CIAO2A: variants seen among roughly 807,000 people sequenced by gnomAD.
CIAO2A encodes the protein cytosolic iron-sulfur assembly component 2A.
A neutral mutation model predicts 22.4 loss-of-function variants in CIAO2A; 17 were observed. The ratio of observed to expected loss-of-function variants is 0.76; its 90% CI spans 0.52 to 1.14. CIAO2A has a LOEUF of 1.14. Ranked by LOEUF, CIAO2A falls within the 50% of genes most tolerant of loss-of-function variation. CIAO2A has a pLI of 0.00. For missense variants in CIAO2A, 192 were observed against 191.4 expected (o/e 1.00, Z -0.02); for synonymous variants, 74 against 72.3 (o/e 1.02, Z -0.12).
At chr15:64,085,707 A>G (rs2140112850) in intron 2 of CIAO2A, among the ~76,000 whole-genome samples, 1 of 152,006 alleles carries the variant, frequency 6.6e-6, no homozygotes, top group Non-Finnish European at 1.5e-5. Context: ...AGCCCAGAGC[A>G]TATATTCTTT....
At chr15:64,087,084 CTT>C (rs766247330) in intron 2 of CIAO2A, among the ~76,000 whole-genome samples, 7 of 76,060 alleles carry the variant, frequency 9.2e-5, no homozygotes, top group African/African-American at 3.4e-4. Flanking sequence ...GCTAATTTTG[CTT>C]TTTTTTTTTT....
intron 2 of CIAO2A, among the ~76,000 whole-genome samples, chr15:64,082,199 A>G (rs2080763307): frequency 6.6e-6 from 1 of 152,134 alleles, no homozygotes; most frequent in Admixed American, 6.5e-5. Flanking sequence ...ATGAGATATA[A>G]TGAGGTGGTG....
At chr15:64,091,366 T>C (rs1421545602) in intron 1 of CIAO2A, among the ~76,000 whole-genome samples, 1 of 151,684 alleles carries the variant, frequency 6.6e-6, no homozygotes, top group Non-Finnish European at 1.5e-5. Context: ...GTGCCTGTAA[T>C]CACAGCTACT....
At chr15:64,081,016 A>T in intron 3 of CIAO2A, 86 bp downstream of exon 3, 1 of 1,312,204 alleles carries the variant, frequency 7.6e-7, no homozygotes, top group Non-Finnish European at 1.1e-6. Flanking sequence ...GGTACACTTT[A>T]AATACGTGAA....
At chr15:64,086,872 CA>C (rs1230402184) in intron 2 of CIAO2A, among the ~76,000 whole-genome samples, 1 of 151,704 alleles carries the variant, frequency 6.6e-6, no homozygotes, top group African/African-American at 2.4e-5. Flanking sequence ...CTTGGCCTCC[CA>C]AAGTGCTGGG....
intron 3 of CIAO2A, among the ~76,000 whole-genome samples, chr15:64,076,222 C>T (rs1655106639): frequency 6.6e-6 from 1 of 152,072 alleles, no homozygotes; most frequent in Admixed American, 6.6e-5. Context: ...CTTCCTCCTG[C>T]CCTGCTACTG....
At chr15:64,081,534 CCTTT>C (rs869042944) in intron 2 of CIAO2A, among the ~76,000 whole-genome samples, 11 of 24,416 alleles carry the variant, frequency 4.5e-4, no homozygotes, top group Admixed American at 8.0e-4. Flanking sequence ...ACTCATTAAG[CCTTT>C]TTTTTTTTTT....
chr15:64,078,113 C>T (rs1043953641), intron 3 of CIAO2A, among the ~76,000 whole-genome samples: 2 of 152,090 alleles, frequency 1.3e-5, no homozygotes, highest in African/African-American at 4.8e-5. Context: ...TACTATTCTT[C>T]ACTATTTTAT....
At chr15:64,081,173 T>G in intron 2 of CIAO2A, 22 bp from the exon 3 acceptor site, 1 of 1,606,460 alleles carries the variant, frequency 6.2e-7, no homozygotes, top group Admixed American at 1.7e-5. Context: ...AAATCACACC[T>G]CCAATTATCT....
intron 2 of CIAO2A, 124 bp downstream of exon 2, chr15:64,088,563 C>T (rs1246265950): frequency 4.3e-6 from 3 of 701,178 alleles, no homozygotes; most frequent in East Asian, 5.9e-5. Flanking sequence ...CTCTGTAAAC[C>T]ATAAAGTGTA....
chr15:64,091,016 T>G (rs2411151), intron 1 of CIAO2A, among the ~76,000 whole-genome samples: 84,915 of 152,058 alleles, frequency 0.56, 27,748 homozygotes, highest in East Asian at 0.81. Context: ...AATGGTGAGG[T>G]AGAAAGGAAA....
At position 64,073,009 on chromosome 15, in the gene CIAO2A, G is replaced by C. The variant is rs1461001144; in HGVS notation, c.405C>G (p.Asp135Glu). 3 of 1,613,126 alleles carry C rather than the reference G, an allele frequency of 1.9e-6. No homozygotes were observed. The highest frequency in any genetic ancestry group is 1.7e-5 in the Admixed American group (1 of 59,966). Residue 135 changes from aspartate to glutamate, a missense_variant, in exon 5 of 5, where the codon GAC becomes GAG. Coordinates refer to ENST00000300030, the MANE Select transcript of CIAO2A (RefSeq NM_032231.7). ...TEEDINKQIN[D>E]KERVAAAMEN... ...CCATTGCAGCTGCCACTCGCTCTTT[G>C]TCATTTATCTGCTTATTGACTGAAA...
At chr15:64,077,654 G>A (rs560173962) in intron 3 of CIAO2A, among the ~76,000 whole-genome samples, 8 of 152,144 alleles carry the variant, frequency 5.3e-5, no homozygotes, top group Non-Finnish European at 1.0e-4. Context: ...CAATTTGAGG[G>A]ACAATCTATA....
chr15:64,091,372 C>T (rs2080838387), intron 1 of CIAO2A, among the ~76,000 whole-genome samples: 1 of 151,874 alleles, frequency 6.6e-6, no homozygotes, highest in African/African-American at 2.4e-5. Context: ...GTAATCACAG[C>T]TACTCAGGAG....
chr15:64,076,723 C>CA (rs1308274704), intron 3 of CIAO2A, among the ~76,000 whole-genome samples: 2 of 115,170 alleles, frequency 1.7e-5, no homozygotes, highest in African/African-American at 5.7e-5. Context: ...CTAGTCCAAT[C>CA]TTTTTTTTTT....
At chr15:64,084,699 G>A (rs2080780440) in intron 2 of CIAO2A, among the ~76,000 whole-genome samples, 1 of 152,104 alleles carries the variant, frequency 6.6e-6, no homozygotes, top group Non-Finnish European at 1.5e-5. Context: ...AACCTGGGAG[G>A]TGGAGGTTGT....
intron 2 of CIAO2A, among the ~76,000 whole-genome samples, chr15:64,088,424 G>A (rs912125300): frequency 6.6e-6 from 1 of 152,166 alleles, no homozygotes; most frequent in African/African-American, 2.4e-5. Context: ...CCATTTCCTG[G>A]CTACCTGATT....
intron 2 of CIAO2A, among the ~76,000 whole-genome samples, chr15:64,084,195 G>GT (rs925278282): frequency 3.3e-5 from 5 of 151,778 alleles, no homozygotes; most frequent in East Asian, 1.9e-4. Context: ...GCTTTTTCAT[G>GT]TTTTTTTTCT....
chr15:64,077,107 T>G (rs2080724570), intron 3 of CIAO2A, among the ~76,000 whole-genome samples: 2 of 152,224 alleles, frequency 1.3e-5, no homozygotes, highest in South Asian at 4.1e-4. Flanking sequence ...GGTCAGGAGA[T>G]CGAGACCATC....
Sources: allele counts gnomAD v4.1 joint callset (sites outside exome capture counted in the v4.1 genomes callset), GRCh38; gene constraint gnomAD v4.1.1; transcripts MANE v1.5; gene names NCBI Gene and HGNC (gene_info 2026-07-23, HGNC 2026-07-21).